USP38: variants seen among roughly 807,000 people sequenced by gnomAD.
USP38 encodes the protein ubiquitin carboxyl-terminal hydrolase 38.
Under a neutral mutation model 94.3 loss-of-function variants are expected in USP38, and 49 were observed. That is an observed-to-expected ratio of 0.52 (90% CI 0.41 to 0.66). The LOEUF (loss-of-function observed/expected upper bound fraction) is 0.66. Ranked by LOEUF, USP38 falls within the 30% of genes least tolerant of loss-of-function variation. The probability of loss-of-function intolerance (pLI) is 0.00; values close to 1 mark genes in which losing one functional copy is unlikely to be tolerated. For synonymous variants in USP38, 468 were observed against 463.6 expected (o/e 1.01, Z -0.12); for missense variants, 1,128 against 1,229.4 (o/e 0.92, Z 1.23).
Position 143,206,114 on chromosome 4 carries a change from T to G in USP38, c.1291T>G (p.Ser431Ala). 1 of 1,613,786 alleles carries G rather than the reference T, an allele frequency of 6.2e-7. No individual in the cohort carries two copies. The highest frequency in any genetic ancestry group is 8.5e-7 in the Non-Finnish European group (1 of 1,179,870). The change falls in exon 6 of 10, where the codon TCT becomes GCT. Residue 431 changes from serine to alanine, a missense_variant. Ser to Ala is a moderately conservative substitution (Grantham distance 99). Transcript: ENST00000307017. The part of the protein sequence containing the change: ...AWTSQSNSLA[S>A]CLSRLSGKSE... ...GACTTCTCAATCCAATTCTTTGGCG[T>G]CTTGCTTGTCTAGACTTTCTGGAAA...
intron 2 of USP38, among the ~76,000 whole-genome samples, chr4:143,189,586 A>G (rs1329133675): frequency 1.3e-5 from 2 of 151,978 alleles, no homozygotes; most frequent in Non-Finnish European, 2.9e-5. Context: ...CATTGTTTAA[A>G]AAGGTCTTCC....
intron 1 of USP38, among the ~76,000 whole-genome samples, chr4:143,187,190 G>A (rs1731254571): frequency 6.6e-6 from 1 of 152,002 alleles, no homozygotes. Flanking sequence ...ACTTGTCTTG[G>A]ATTTGCTTAA....
chr4:143,212,081 G>A (rs538355332), intron 7 of USP38, among the ~76,000 whole-genome samples: 1 of 152,264 alleles, frequency 6.6e-6, no homozygotes, highest in East Asian at 1.9e-4. Context: ...CCCTGGGCAA[G>A]TCACCTGTTT....
Position 143,214,594 on chromosome 4 carries a change from A to G in USP38, c.2618A>G (p.Gln873Arg). 6.2e-7 allele frequency: 1 copy of G among 1,613,646 alleles called. No homozygotes were observed. Reference sequence around the variant, plus strand: ...ATCACAAGTACAGACTCTTCATATCAGATGTACCACCAGTCTGAGGCTCTG... The same window carrying G: ...ATCACAAGTACAGACTCTTCATATCGGATGTACCACCAGTCTGAGGCTCTG... ...RNITSTDSSY[Q>R]MYHQSEALAL... is the part of the protein sequence containing the mutation. The change falls in exon 9 of 10, where the codon CAG becomes CGG. Residue 873 changes from glutamine to arginine, a missense_variant. Transcript: ENST00000307017.
Position 143,206,025 on chromosome 4 carries a change from A to G in USP38, c.1210-8A>G, listed in dbSNP as rs1731854553. Reference sequence around the variant, plus strand: ...TTTTAAACTGTTTTTCTTCTTTATGACCTATAGGATTTTCCTAAGCCCAGT... The same window carrying G: ...TTTTAAACTGTTTTTCTTCTTTATGGCCTATAGGATTTTCCTAAGCCCAGT... On this transcript the variant is annotated splice_polypyrimidine_tract_variant and splice_region_variant and intron_variant, in intron 5 of 9. Transcript: ENST00000307017. 1 of 1,523,120 alleles carries G rather than the reference A, an allele frequency of 6.6e-7. No individual in the cohort carries two copies. 94.4% of individuals were successfully genotyped at this position (1,523,120 alleles called of 1,614,324 possible).
intron 2 of USP38, 64 bp downstream of exon 2, chr4:143,188,025 TTG>T: frequency 6.7e-7 from 1 of 1,485,188 alleles, no homozygotes; most frequent in East Asian, 2.4e-5. Flanking sequence ...ATTTTGTATT[TTG>T]TGAGTAATGA....
intron 2 of USP38, among the ~76,000 whole-genome samples, chr4:143,192,755 T>TA (rs1731434834): frequency 6.6e-6 from 1 of 152,048 alleles, no homozygotes; most frequent in Admixed American, 6.5e-5. Flanking sequence ...GATTTTAACA[T>TA]ACGAATTTTG....
chr4:143,219,489 T>C (rs1732269630), intron 9 of USP38, among the ~76,000 whole-genome samples: 1 of 152,134 alleles, frequency 6.6e-6, no homozygotes, highest in Non-Finnish European at 1.5e-5. Flanking sequence ...TAATGTTAAC[T>C]GTATTTTGAA....
rs747862540 is a variant in USP38, at chr4:143,185,442, G to T, written c.-9G>T. The T allele has an allele frequency of 2.5e-6, 4 of 1,568,918 alleles. No homozygotes were observed. The South Asian group carries it at 4.8e-5, about 19-fold the overall frequency. On this transcript the variant is annotated 5_prime_UTR_variant, in exon 1 of 10. Transcript: ENST00000307017. ...TATCCCCTGGCCCTGGCCTTGCAGC[G>T]TGGCGACAATGGACAAGATCCTGGA...
chr4:143,208,193 A>G (rs570216285), intron 6 of USP38, among the ~76,000 whole-genome samples: 1 of 152,134 alleles, frequency 6.6e-6, no homozygotes, highest in Non-Finnish European at 1.5e-5. Flanking sequence ...CATTCCCAGT[A>G]AATGTGTATG....
At chr4:143,211,261 A>G (rs1317677413) in intron 7 of USP38, among the ~76,000 whole-genome samples, 1 of 152,200 alleles carries the variant, frequency 6.6e-6, no homozygotes, top group Non-Finnish European at 1.5e-5. Flanking sequence ...AGATTATTTT[A>G]GGCAGATAGA....
rs551871824 is a variant in USP38, at chr4:143,207,816, A to G, written c.1403+1590A>G. ...GAGAAAACAAAAAACCAAAGCAGTT[A>G]TAACGGCAAGAGCAAATAAAAGGTT... is the stretch of plus-strand genomic sequence containing the variant. On this transcript the variant is annotated intron_variant, in intron 6 of 9. Coordinates refer to ENST00000307017, the MANE Select transcript of USP38 (RefSeq NM_032557.6). Among the ~76,000 whole-genome samples, 25 of 152,320 alleles carry G rather than the reference A, an allele frequency of 1.6e-4. No homozygotes were observed. In the East Asian group the frequency reaches 4.4e-3, roughly 27 times the overall value.
At chr4:143,192,906 G>C (rs1731439264) in intron 2 of USP38, among the ~76,000 whole-genome samples, 1 of 152,174 alleles carries the variant, frequency 6.6e-6, no homozygotes, top group Non-Finnish European at 1.5e-5. Flanking sequence ...GGCAGAAATG[G>C]AAAGGATGAG....
rs1000704980 is a variant in USP38, at chr4:143,213,935, T to G, written c.1959T>G (p.Pro653=). Residue 653 remains proline, a synonymous_variant, in exon 9 of 10, where the codon CCT becomes CCG. Coordinates refer to ENST00000307017, the MANE Select transcript of USP38 (RefSeq NM_032557.6). Reference sequence around the variant, plus strand: ...TAATGCAAGCCTCTGTACCCGGTCCTTCAGAAGAACCAGTAGTTTATAATC... The same window carrying G: ...TAATGCAAGCCTCTGTACCCGGTCCGTCAGAAGAACCAGTAGTTTATAATC... ...GGLMQASVPG[P]SEEPVVYNPT... 2.9e-5 allele frequency: 46 copies of G among 1,613,654 alleles called. No individual in the cohort carries two copies. Among genetic ancestry groups the G allele is most frequent in the African/African-American group, 5.3e-5 (4 of 74,902 alleles).
chr4:143,206,351 C>G, intron 6 of USP38, 125 bp downstream of exon 6: 2 of 824,300 alleles, frequency 2.4e-6, no homozygotes, highest in East Asian at 3.0e-5. Context: ...CTTTGATTGC[C>G]TTATTCAGAA....
chr4:143,204,428 T>C (rs1413421165), intron 5 of USP38: 18 of 451,812 alleles, frequency 4.0e-5, no homozygotes, highest in Non-Finnish European at 7.1e-5. Context: ...CTTGCTCTGT[T>C]GCCCAGGCTG....
intron 9 of USP38, among the ~76,000 whole-genome samples, chr4:143,216,016 A>AGAT (rs897331703): frequency 6.6e-6 from 1 of 152,126 alleles, no homozygotes; most frequent in African/African-American, 2.4e-5. Context: ...TTCTTACTAG[A>AGAT]TATCATATAA....
Position 143,214,252 on chromosome 4 carries a change from A to G in USP38, c.2276A>G (p.Glu759Gly), listed in dbSNP as rs1732118300. 2 of 1,613,606 alleles carry G rather than the reference A, an allele frequency of 1.2e-6. No individual in the cohort carries two copies. Among genetic ancestry groups the G allele is most frequent in the Non-Finnish European group, 1.7e-6 (2 of 1,179,808 alleles). Residue 759 changes from glutamate (E) to glycine (G), a missense_variant, in exon 9 of 10, where the codon GAA becomes GGA. Transcript: ENST00000307017. ...EKTMQITEEPEYLILTLLRFS... is the reference protein window; with the variant it reads ...EKTMQITEEPGYLILTLLRFS... ...ACTATGCAAATCACGGAGGAACCTG[A>G]ATACCTTATTCTTACTCTCCTGAGA...
chr4:143,187,887 G>T lies in USP38; in HGVS notation c.744G>T (p.Met248Ile), dbSNP rs780327442. 2 of 1,613,760 alleles carry T rather than the reference G, an allele frequency of 1.2e-6. No homozygotes were observed. The highest frequency in any genetic ancestry group is 3.3e-5 in the Admixed American group (2 of 59,998). The change falls in exon 2 of 10, where the codon ATG (methionine) becomes ATT (isoleucine). Residue 248 changes from methionine to isoleucine, a missense_variant. Met to Ile is a conservative substitution (Grantham distance 10). Coordinates refer to ENST00000307017, the MANE Select transcript of USP38 (RefSeq NM_032557.6). ...TTGTGCAGCATATTCCTCTTCAGAT[G>T]ATTACAGTTCTCATCAGGAGCCTTA... ...ASLVQHIPLQ[M>I]ITVLIRSLTT...
Sources: allele counts gnomAD v4.1 joint callset (sites outside exome capture counted in the v4.1 genomes callset), GRCh38; gene constraint gnomAD v4.1.1; transcripts MANE v1.5; gene names NCBI Gene and HGNC (gene_info 2026-07-23, HGNC 2026-07-21).